The following AFG2A variants were observed in gnomAD, a reference collection of about 807,000 sequenced individuals.
AFG2A encodes the protein ATPase family gene 2 protein homolog A.
chr4:123,233,336 A>G, the AFG2A span, among the ~76,000 whole-genome samples: 5 of 151,862 alleles, frequency 3.3e-5, no homozygotes, highest in African/African-American at 9.7e-5. Context: ...AAAGTTTGAG[A>G]TTATACAGCC....
chr4:123,208,503 A>G, the AFG2A span, among the ~76,000 whole-genome samples: 2 of 152,202 alleles, frequency 1.3e-5, no homozygotes, highest in Non-Finnish European at 2.9e-5. Context: ...AATTAGACCC[A>G]TGTAAGCAGA....
the AFG2A span, chr4:122,934,238 G>C: frequency 6.2e-7 from 1 of 1,614,076 alleles, no homozygotes; most frequent in Non-Finnish European, 8.5e-7. Flanking sequence ...GATGCCCAAA[G>C]AATGGCCTTT....
chr4:123,001,141 G>T, the AFG2A span, among the ~76,000 whole-genome samples: 1 of 145,628 alleles, frequency 6.9e-6, no homozygotes, highest in African/African-American at 2.5e-5. Context: ...CTGTGGGATC[G>T]GTGCTGATAT....
chr4:123,018,986 C>CA, the AFG2A span, among the ~76,000 whole-genome samples: 25 of 150,004 alleles, frequency 1.7e-4, no homozygotes, highest in African/African-American at 5.6e-4. Context: ...GTGATCAGAA[C>CA]AAAAAAAAAT....
chr4:123,256,838 T>C, the AFG2A span: 7 of 983,880 alleles, frequency 7.1e-6, no homozygotes, highest in African/African-American at 5.2e-5. Context: ...TCTTTACTTA[T>C]GCTATTTTTA....
chr4:122,933,320 C>T, the AFG2A span: 1 of 727,530 alleles, frequency 1.4e-6, no homozygotes, highest in Non-Finnish European at 2.2e-6. Context: ...TTTAAGGTTG[C>T]AGGTGGATTA....
At chr4:123,303,320 A>C in the AFG2A span, among the ~76,000 whole-genome samples, 1 of 152,236 alleles carries the variant, frequency 6.6e-6, no homozygotes, top group African/African-American at 2.4e-5. Flanking sequence ...CAGGAGTTCA[A>C]GACCAGCCTG....
At chr4:123,220,613 CAAAAAAAAAAAAAA>C in the AFG2A span, among the ~76,000 whole-genome samples, 42 of 41,798 alleles carry the variant, frequency 1.0e-3, no homozygotes, top group Non-Finnish European at 1.7e-3. Context: ...GACTCCAACT[CAAAAAAAAAAAAAA>C]AAAAAAAAAA....
At chr4:123,100,806 A>G in the AFG2A span, among the ~76,000 whole-genome samples, 13 of 151,942 alleles carry the variant, frequency 8.6e-5, no homozygotes, top group African/African-American at 3.1e-4. Context: ...TTTAAGTTTC[A>G]GCAACTGAGG....
the AFG2A span, among the ~76,000 whole-genome samples, chr4:123,007,530 A>G: frequency 7.3e-6 from 1 of 136,380 alleles, no homozygotes; most frequent in Non-Finnish European, 1.6e-5. Context: ...CTCCATGCCT[A>G]TATATATATA....
At chr4:123,184,901 T>G in the AFG2A span, among the ~76,000 whole-genome samples, 4 of 152,216 alleles carry the variant, frequency 2.6e-5, no homozygotes, top group South Asian at 8.3e-4. Context: ...CCAATAATGT[T>G]GATTCTTTGG....
chr4:123,182,759 A>G, the AFG2A span, among the ~76,000 whole-genome samples: 1 of 152,102 alleles, frequency 6.6e-6, no homozygotes, highest in Non-Finnish European at 1.5e-5. Flanking sequence ...TTTTTTCTTG[A>G]CCCTTCTTCC....
At chr4:123,146,842 C>T in the AFG2A span, among the ~76,000 whole-genome samples, 1,802 of 152,236 alleles carry the variant, frequency 0.012, 42 homozygotes, top group African/African-American at 0.04. Context: ...GGTTTGAGTT[C>T]GTTGCAGTTG....
At chr4:123,116,857 A>G in the AFG2A span, among the ~76,000 whole-genome samples, 1 of 152,040 alleles carries the variant, frequency 6.6e-6, no homozygotes, top group Non-Finnish European at 1.5e-5. Flanking sequence ...AATTTGTATT[A>G]TTTTTTACTC....
chr4:122,990,897 CT>C, the AFG2A span, among the ~76,000 whole-genome samples: 1 of 152,198 alleles, frequency 6.6e-6, no homozygotes, highest in Non-Finnish European at 1.5e-5. Context: ...CCTGTTTTCC[CT>C]TTTAAAAGTG....
the AFG2A span, among the ~76,000 whole-genome samples, chr4:123,169,096 G>A: frequency 1.3e-5 from 2 of 152,148 alleles, no homozygotes; most frequent in Non-Finnish European, 2.9e-5. Flanking sequence ...CAATGCAGAT[G>A]GGGGGAAGGA....
the AFG2A span, among the ~76,000 whole-genome samples, chr4:123,084,120 T>C: frequency 6.6e-6 from 1 of 152,114 alleles, no homozygotes; most frequent in African/African-American, 2.4e-5. Context: ...TTTAAAATTA[T>C]CCTTTTAATA....
the AFG2A span, among the ~76,000 whole-genome samples, chr4:123,164,272 G>A: frequency 7.8e-3 from 1,193 of 152,244 alleles, 22 homozygotes; most frequent in African/African-American, 0.028. Flanking sequence ...TGTATTTTGA[G>A]TTATTTTCTA....
the AFG2A span, among the ~76,000 whole-genome samples, chr4:123,296,938 C>T: frequency 6.6e-6 from 1 of 152,174 alleles, no homozygotes; most frequent in Non-Finnish European, 1.5e-5. Flanking sequence ...AGCATGAAGT[C>T]AAAGTTCTCT....
Sources: allele counts gnomAD v4.1 joint callset (sites outside exome capture counted in the v4.1 genomes callset), GRCh38; gene constraint gnomAD v4.1.1; transcripts MANE v1.5; gene names NCBI Gene and HGNC (gene_info 2026-07-23, HGNC 2026-07-21).